RCN1: variants seen among roughly 807,000 people sequenced by gnomAD.
RCN1 encodes reticulocalbin 1, also known as reticulocalbin-1.
Under a neutral mutation model 34.7 loss-of-function variants are expected in RCN1, and 14 were observed. That is an observed-to-expected ratio of 0.40 (90% confidence interval 0.27 to 0.63). RCN1 has a LOEUF of 0.63. RCN1 is among the 30% of genes least tolerant of loss of function. The probability of loss-of-function intolerance (pLI) is 0.37; values close to 1 mark genes in which losing one functional copy is unlikely to be tolerated. For missense variants in RCN1, 326 were observed against 425.1 expected, an observed-to-expected ratio of 0.77 and a Z score of 2.05; for synonymous variants, 125 against 165.5, an observed-to-expected ratio of 0.76 and a Z score of 1.88.
intron 1 of RCN1, among the ~76,000 whole-genome samples, chr11:32,093,057 T>G (rs980577628): frequency 6.6e-6 from 1 of 152,160 alleles, no homozygotes; most frequent in Non-Finnish European, 1.5e-5. Flanking sequence ...TTGAGGCACT[T>G]GGAGACTGAT....
In RCN1 at chr11:32,103,471, C is replaced by T. The variant is rs764926971; in HGVS notation, c.879C>T (p.Asp293=). The part of the protein sequence containing the change: ...AEARHLVYES[D]KNKDEKLTKE... ...CCAGGCATCTGGTATATGAATCAGA[C>T]AAAAACAAGGTATTTCCCATTCTTC... The change falls in exon 5 of 6, where the codon GAC becomes GAT. Residue 293 remains aspartate, a synonymous_variant. Transcript: ENST00000054950. 4.3e-6 allele frequency: 7 copies of T among 1,612,824 alleles called. No individual in the cohort carries two copies. The highest frequency in any genetic ancestry group is 4.2e-6 in the Non-Finnish European group (5 of 1,178,974).
At chr11:32,103,610 C>T in intron 5 of RCN1, 130 bp downstream of exon 5, 1 of 757,306 alleles carries the variant, frequency 1.3e-6, no homozygotes, top group South Asian at 1.7e-5. Context: ...TCTTGTCCTA[C>T]AGTGGAGACC....
At chr11:32,101,252 C>T (rs1035579503) in intron 4 of RCN1, among the ~76,000 whole-genome samples, 10 of 102,224 alleles carry the variant, frequency 9.8e-5, no homozygotes, top group Admixed American at 9.7e-4. Context: ...CCCCCCAGCC[C>T]AACCCCCCGC....
At chr11:32,100,834 C>A (rs535968606) in intron 4 of RCN1, among the ~76,000 whole-genome samples, 2 of 152,296 alleles carry the variant, frequency 1.3e-5, no homozygotes, top group East Asian at 1.9e-4. Flanking sequence ...GCTGGCCCTA[C>A]ACAAGGCTGG....
chr11:32,092,877 G>T (rs1003563800), intron 1 of RCN1, among the ~76,000 whole-genome samples: 2 of 152,190 alleles, frequency 1.3e-5, no homozygotes, highest in Non-Finnish European at 2.9e-5. Context: ...TGGAATATGA[G>T]GATAAATTAT....
chr11:32,094,113 G>A (rs954295687), intron 1 of RCN1, among the ~76,000 whole-genome samples: 2 of 152,158 alleles, frequency 1.3e-5, no homozygotes, highest in African/African-American at 4.8e-5. Context: ...TCCTGTTTGG[G>A]ATGGGGCTGA....
At chr11:32,102,748 C>T in intron 4 of RCN1, 1 of 319,704 alleles carries the variant, frequency 3.1e-6, no homozygotes, top group Non-Finnish European at 6.0e-6. Flanking sequence ...TTGGGTAAGA[C>T]TTTACCTCAT....
At chr11:32,091,560 G>T (rs970882942) in intron 1 of RCN1, 110 bp downstream of exon 1, 87 of 1,408,542 alleles carry the variant, frequency 6.2e-5, no homozygotes, top group Non-Finnish European at 6.9e-5. Flanking sequence ...TCGCGCGCGC[G>T]GCCTCGAGGA....
chr11:32,098,506 A>T lies in RCN1; in HGVS notation c.605A>T (p.His202Leu). The T allele has an allele frequency of 6.2e-7, 1 of 1,610,674 alleles. No individual in the cohort carries two copies. Among genetic ancestry groups the T allele is most frequent in the Non-Finnish European group, 8.5e-7 (1 of 1,179,040 alleles). ...TTTCTGCATCCTGAAGAGTTTGAACATATGAAGGAAATTGTGGTTTTGGTA... is the reference window on the plus strand; with the variant it reads ...TTTCTGCATCCTGAAGAGTTTGAACTTATGAAGGAAATTGTGGTTTTGGTA... ...TAFLHPEEFEHMKEIVVLETL... is the reference protein window; with the variant it reads ...TAFLHPEEFELMKEIVVLETL... Residue 202 changes from histidine to leucine, a missense_variant, in exon 3 of 6, where the codon CAT (histidine) becomes CTT (leucine). By Grantham distance (99) the His-to-Leu change is moderately conservative (BLOSUM62 -3). Transcript: ENST00000054950.
At chr11:32,102,585 G>A (rs1197885362) in intron 4 of RCN1, 1 of 156,670 alleles carries the variant, frequency 6.4e-6, no homozygotes, top group Non-Finnish European at 1.4e-5. Context: ...GACCCATCTT[G>A]TAGAATTGTT....
At chr11:32,097,507 C>T (rs1334600023) in intron 2 of RCN1, among the ~76,000 whole-genome samples, 170 bp downstream of exon 2, 1 of 152,070 alleles carries the variant, frequency 6.6e-6, no homozygotes, top group East Asian at 1.9e-4. Context: ...TACTGAGTTG[C>T]TTACACTGAA....
intron 3 of RCN1, among the ~76,000 whole-genome samples, chr11:32,099,257 G>T (rs575933732): frequency 1.3e-3 from 193 of 152,104 alleles, no homozygotes; most frequent in Non-Finnish European, 2.5e-3. Flanking sequence ...GGAGGCGGAG[G>T]TTGCAGTGAG....
chr11:32,105,277 A>G lies in RCN1; in HGVS notation c.*805A>G, dbSNP rs11550768. On this transcript the variant is annotated 3_prime_UTR_variant, in exon 6 of 6. Transcript: ENST00000054950. ...GAAATAGTGAATAGGAATACAATGC[A>G]TTTCCTCAGTGATCACTGATTAGAA... The G allele has an allele frequency of 1.2e-5, 2 of 164,770 alleles. No homozygotes were observed. The highest frequency in any genetic ancestry group is 2.9e-5 in the Non-Finnish European group (2 of 68,126). 10.2% of individuals were successfully genotyped at this position (164,770 alleles called of 1,614,324 possible).
chr11:32,103,549 T>C, intron 5 of RCN1, 69 bp downstream of exon 5: 1 of 1,385,526 alleles, frequency 7.2e-7, no homozygotes, highest in Non-Finnish European at 1.0e-6. Flanking sequence ...TTTGTTTGCT[T>C]TTTCGGCGAT....
chr11:32,103,625 A>G, intron 5 of RCN1, 145 bp downstream of exon 5: 1 of 699,710 alleles, frequency 1.4e-6, no homozygotes, highest in South Asian at 1.8e-5. Context: ...GAGACCTGTA[A>G]ACTTGAGCTA....
chr11:32,095,758 G>T (rs1221879643), intron 1 of RCN1, among the ~76,000 whole-genome samples: 1 of 151,560 alleles, frequency 6.6e-6, no homozygotes, highest in Non-Finnish European at 1.5e-5. Flanking sequence ...TCACTATGTT[G>T]CCCAGGCTAC....
intron 1 of RCN1, among the ~76,000 whole-genome samples, chr11:32,094,003 G>A (rs376518983): frequency 2.3e-4 from 35 of 152,282 alleles, no homozygotes; most frequent in African/African-American, 7.5e-4. Flanking sequence ...GGGGACATCC[G>A]GGTCTCTGGC....
intron 1 of RCN1, among the ~76,000 whole-genome samples, chr11:32,096,177 G>C (rs769728626): frequency 1.4e-4 from 21 of 152,192 alleles, no homozygotes; most frequent in Non-Finnish European, 2.2e-4. Context: ...AAGAAATCTA[G>C]AGTTAGCCTG....
At position 32,098,523 on chromosome 11, in the gene RCN1, G is replaced by A. The variant is rs1220314617; in HGVS notation, c.622G>A (p.Val208Ile). The A allele has an allele frequency of 6.2e-7, 1 of 1,608,368 alleles. No individual in the cohort carries two copies. Among genetic ancestry groups the A allele is most frequent in the Admixed American group, 1.7e-5 (1 of 58,734 alleles). ...GTTTGAACATATGAAGGAAATTGTG[G>A]TTTTGGTAAGATAAGTGAAGAGTCT... ...EEFEHMKEIV[V>I]LETLEDIDKN... The change falls in exon 3 of 6, where the codon GTT (valine) becomes ATT (isoleucine). Residue 208 changes from valine (V) to isoleucine (I), a missense_variant. Coordinates refer to ENST00000054950, the MANE Select transcript of RCN1 (RefSeq NM_002901.4).
Sources: allele counts gnomAD v4.1 joint callset (sites outside exome capture counted in the v4.1 genomes callset), GRCh38; gene constraint gnomAD v4.1.1; transcripts MANE v1.5; gene names NCBI Gene and HGNC (gene_info 2026-07-23, HGNC 2026-07-21).